PCDHGA8: variants seen among roughly 807,000 people sequenced by gnomAD.
PCDHGA8 encodes protocadherin gamma-A8.
In PCDHGA8, 45 loss-of-function variants were observed where a neutral mutation model predicts 59.2. The ratio of observed to expected loss-of-function variants is 0.76; its 90% CI spans 0.60 to 0.98. The LOEUF is 0.98. Ranked by LOEUF, PCDHGA8 falls within the 50% of genes least tolerant of loss-of-function variation. PCDHGA8 has a pLI of 0.00. For synonymous variants in PCDHGA8, 531 were observed against 519.0 expected, an observed-to-expected ratio of 1.02 and a Z score of -0.32; for missense variants, 1,257 against 1,196.2, an observed-to-expected ratio of 1.05 and a Z score of -0.75.
intron 1 of PCDHGA8, chr5:141,423,830 G>A (rs527344048): frequency 5.5e-6 from 7 of 1,273,204 alleles, no homozygotes; most frequent in African/African-American, 3.1e-5. Flanking sequence ...CCTTTCATGA[G>A]ATTACGATAA....
At chr5:141,403,960 G>A (rs775638627) in intron 1 of PCDHGA8, 10 of 1,613,658 alleles carry the variant, frequency 6.2e-6, no homozygotes, top group East Asian at 4.5e-5. Flanking sequence ...TGCTCATTTC[G>A]GTGGAAGATG....
At chr5:141,413,082 A>T in intron 1 of PCDHGA8, 8 of 1,344,446 alleles carry the variant, frequency 6.0e-6, no homozygotes, top group Non-Finnish European at 8.1e-6. Context: ...CCCAGGCTAC[A>T]GAGACACCCT....
At chr5:141,411,302 G>T (rs1165336405) in intron 1 of PCDHGA8, 1 of 152,134 alleles carries the variant, frequency 6.6e-6, no homozygotes, top group Admixed American at 6.6e-5. Context: ...AGGCCCAGTG[G>T]CTCACACCTA....
chr5:141,489,425 G>A lies in PCDHGA8; in HGVS notation c.2425-5382G>A, dbSNP rs779739693. 18 of 1,614,000 alleles carry A rather than the reference G, an allele frequency of 1.1e-5. No homozygotes were observed. Among genetic ancestry groups the A allele is most frequent in the South Asian group, 5.5e-5 (5 of 91,074 alleles). The stretch of plus-strand genomic sequence containing the variant: ...TTAAAGATGACAGATCTGTTGAGCC[G>A]GCGGCTGCAATTGGGCTCTGAGGAG... On this transcript the variant is annotated intron_variant, in intron 1 of 3. Transcript: ENST00000398604. This position sits in a 1 kb window ranked among gnomAD's most constrained non-coding sequence, Gnocchi z 4.5.
At chr5:141,407,328 A>G (rs1016529734) in intron 1 of PCDHGA8, among the ~76,000 whole-genome samples, 1 of 152,210 alleles carries the variant, frequency 6.6e-6, no homozygotes, top group Admixed American at 6.5e-5. Flanking sequence ...ATTTATAAAT[A>G]TTGAAATGTA....
At chr5:141,497,307 C>T (rs1295364802) in intron 2 of PCDHGA8, among the ~76,000 whole-genome samples, 1 of 152,096 alleles carries the variant, frequency 6.6e-6, no homozygotes, top group Non-Finnish European at 1.5e-5. Flanking sequence ...CCAGGCCATA[C>T]ACTGGCTTTG....
At chr5:141,435,050 C>A (rs2154556494) in intron 1 of PCDHGA8, among the ~76,000 whole-genome samples, 1 of 151,994 alleles carries the variant, frequency 6.6e-6, no homozygotes, top group East Asian at 1.9e-4. Flanking sequence ...TCCCATTGAC[C>A]ATGCAGCAGT....
At chr5:141,467,699 T>A (rs1368755814) in intron 1 of PCDHGA8, among the ~76,000 whole-genome samples, 1 of 152,194 alleles carries the variant, frequency 6.6e-6, no homozygotes, top group Non-Finnish European at 1.5e-5. Context: ...TCTGGCTCTG[T>A]TGCCCAGGCT....
At chr5:141,452,760 G>C (rs920853226) in intron 1 of PCDHGA8, among the ~76,000 whole-genome samples, 1 of 152,120 alleles carries the variant, frequency 6.6e-6, no homozygotes, top group African/African-American at 2.4e-5. Context: ...AAGGAAGGGA[G>C]GGAGGGAAAA....
In PCDHGA8 at chr5:141,486,092, C is replaced by A; in HGVS notation, c.2425-8715C>A. Reference sequence around the variant, plus strand: ...TACTGGAAAGCTTACTCTTTTGGGGCCCCTAGACTTTGAGAGTGAGAATTA... The same window carrying A: ...TACTGGAAAGCTTACTCTTTTGGGGACCCTAGACTTTGAGAGTGAGAATTA... On this transcript the variant is annotated intron_variant, in intron 1 of 3. Coordinates refer to ENST00000398604, the MANE Select transcript of PCDHGA8 (RefSeq NM_032088.2). The surrounding 1 kb of genome is among the most constrained non-coding windows in gnomAD (Gnocchi z 5.0). 1.9e-6 allele frequency: 3 copies of A among 1,614,148 alleles called. No individual in the cohort carries two copies. Among genetic ancestry groups the A allele is most frequent in the Non-Finnish European group, 2.5e-6 (3 of 1,180,008 alleles).
At chr5:141,440,155 A>C (rs1250255277) in intron 1 of PCDHGA8, 1 of 152,238 alleles carries the variant, frequency 6.6e-6, no homozygotes, top group Non-Finnish European at 1.5e-5. Flanking sequence ...CCCCAATTAT[A>C]GCTTGGGCCA....
At chr5:141,399,311 A>C in intron 1 of PCDHGA8, 1 of 1,613,970 alleles carries the variant, frequency 6.2e-7, no homozygotes, top group Non-Finnish European at 8.5e-7. Context: ...TCTTCATCCA[A>C]AAATTCGTAT....
rs752999009 is a variant in PCDHGA8, at chr5:141,409,899, C to T, written c.2424+14662C>T. 4 of 1,613,152 alleles carry T rather than the reference C, an allele frequency of 2.5e-6. No individual in the cohort carries two copies. The East Asian group carries it at 8.9e-5, about 36-fold the overall frequency. ...AACGCACCGCGGGTGCTGTACCCAG[C>T]TCTGGGTCCTGACGGCTCCGCGTTC... On this transcript the variant is annotated intron_variant, in intron 1 of 3. Coordinates refer to ENST00000398604, the MANE Select transcript of PCDHGA8 (RefSeq NM_032088.2).
intron 1 of PCDHGA8, among the ~76,000 whole-genome samples, chr5:141,450,782 C>G (rs1012152203): frequency 6.6e-6 from 1 of 151,236 alleles, no homozygotes; most frequent in Non-Finnish European, 1.5e-5. Context: ...CCACCGTGCC[C>G]GGACCTCATG....
At chr5:141,408,747 T>C (rs1589683971) in intron 1 of PCDHGA8, 1 of 1,609,868 alleles carries the variant, frequency 6.2e-7, no homozygotes, top group Non-Finnish European at 8.5e-7. Flanking sequence ...TCATTAATGG[T>C]TAGAGTTAAT....
In PCDHGA8 at chr5:141,477,070, T is replaced by A; in HGVS notation, c.2425-17737T>A. 6.2e-7 allele frequency: 1 copy of A among 1,613,342 alleles called. No individual in the cohort carries two copies. The highest frequency in any genetic ancestry group is 8.5e-7 in the Non-Finnish European group (1 of 1,179,244). ...TGGACTTCGAGGACACCAAACTCCATGAGATTTACATCCAGGCCAAAGACA... is the reference window on the plus strand; with the variant it reads ...TGGACTTCGAGGACACCAAACTCCAAGAGATTTACATCCAGGCCAAAGACA... On this transcript the variant is annotated intron_variant, in intron 1 of 3. Coordinates refer to ENST00000398604, the MANE Select transcript of PCDHGA8 (RefSeq NM_032088.2). The surrounding 1 kb of genome is among the most constrained non-coding windows in gnomAD (Gnocchi z 4.9).
At chr5:141,441,736 T>C in intron 1 of PCDHGA8, 1 of 365,328 alleles carries the variant, frequency 2.7e-6, no homozygotes. Flanking sequence ...CAGGACTAGC[T>C]CGCGCTCGGC....
chr5:141,415,966 C>G, intron 1 of PCDHGA8: 1 of 405,604 alleles, frequency 2.5e-6, no homozygotes, highest in Non-Finnish European at 4.0e-6. Flanking sequence ...AAACTCCAGC[C>G]CCTTAAGCAA....
Position 141,393,683 on chromosome 5 carries a change from G to C in PCDHGA8, c.870G>C (p.Pro290=), listed in dbSNP as rs370409157. 2 of 1,613,850 alleles carry C rather than the reference G, an allele frequency of 1.2e-6. No individual in the cohort carries two copies. Among genetic ancestry groups the C allele is most frequent in the East Asian group, 4.5e-5 (2 of 44,892 alleles). Residue 290 remains proline, a synonymous_variant, in exon 1 of 4, where the codon CCG becomes CCC. Transcript: ENST00000398604. ...KFRKINEKQT[P]LFQLNENTGE... ...GGAAAATTAATGAAAAACAAACTCC[G>C]TTATTCCAGCTTAATGAAAATACTG...
Sources: allele counts gnomAD v4.1 joint callset (sites outside exome capture counted in the v4.1 genomes callset), GRCh38; gene constraint gnomAD v4.1.1; non-coding constraint Gnocchi (gnomAD v3.1); transcripts MANE v1.5; gene names NCBI Gene and HGNC (gene_info 2026-07-23, HGNC 2026-07-21).